Variants in HELZ observed in about 807,000 individuals in gnomAD.
HELZ encodes ATP-dependent RNA helicase with zinc finger domain.
HELZ carries 23 observed loss-of-function variants against 218.2 expected under a neutral mutation model. The ratio of observed to expected loss-of-function variants is 0.11; its 90% CI spans 0.08 to 0.15. The LOEUF is 0.15. HELZ is among the 10% of genes least tolerant of loss of function. HELZ has a pLI of 1.00. For synonymous variants in HELZ, 814 were observed against 829.4 expected, an observed-to-expected ratio of 0.98 and a Z score of 0.32; for missense variants, 1,813 against 2,353.7, an observed-to-expected ratio of 0.77 and a Z score of 4.75.
intron 31 of HELZ, among the ~76,000 whole-genome samples, chr17:67,099,726 G>C (rs1377708928): frequency 6.6e-6 from 1 of 152,124 alleles, no homozygotes; most frequent in African/African-American, 2.4e-5. Flanking sequence ...TCACCTGTGT[G>C]TATATAAATA....
chr17:67,190,349 T>C lies in HELZ; in HGVS notation c.564A>G (p.Leu188=). 1.2e-6 allele frequency: 2 copies of C among 1,610,180 alleles called. No individual in the cohort carries two copies. The highest frequency in any genetic ancestry group is 1.7e-6 in the Non-Finnish European group (2 of 1,176,420). ...CACCATACCTACAGATTCCTTGTTC[T>C]AAAAATCTAAGTAGAATAGGAAAGA... ...SEEYTLCKRF[L]EQGICRYGAQ... The change falls in exon 10 of 33, where the codon TTA becomes TTG. Residue 188 remains leucine, a synonymous_variant. Transcript: ENST00000358691.
At chr17:67,111,870 A>T (rs563216809) in intron 28 of HELZ, among the ~76,000 whole-genome samples, 40 of 152,294 alleles carry the variant, frequency 2.6e-4, no homozygotes, top group African/African-American at 9.6e-4. Flanking sequence ...GCTGGGATAT[A>T]CTTTTTTCCA....
chr17:67,189,786 G>A, intron 10 of HELZ, 90 bp from the exon 11 acceptor site: 1 of 836,082 alleles, frequency 1.2e-6, no homozygotes, highest in South Asian at 1.5e-5. Flanking sequence ...CAACAGTTAA[G>A]ATGATGATGG....
rs1206525952 is a variant in HELZ, at chr17:67,107,511, G to A, written c.4899C>T (p.Asn1633=). The change falls in exon 31 of 33, where the codon AAC becomes AAT. Residue 1633 remains asparagine, a synonymous_variant. Transcript: ENST00000358691. ...SSTDHSSHFS[N]FNDNSRDIEV... ...CAATGTCTCTGCTGTTATCATTAAA[G>A]TTAGAAAAGTGGCTACTGTGGTCTG... The A allele has an allele frequency of 6.2e-7, 1 of 1,614,062 alleles. No individual in the cohort carries two copies. Among genetic ancestry groups the A allele is most frequent in the East Asian group, 2.2e-5 (1 of 44,892 alleles).
chr17:67,213,450 T>C (rs2040508792), intron 5 of HELZ, among the ~76,000 whole-genome samples: 1 of 151,962 alleles, frequency 6.6e-6, no homozygotes, highest in South Asian at 2.1e-4. Context: ...GGTGAAACCC[T>C]GTCTCTACTA....
chr17:67,158,524 G>C (rs2038906499), intron 17 of HELZ, among the ~76,000 whole-genome samples: 1 of 152,170 alleles, frequency 6.6e-6, no homozygotes, highest in South Asian at 2.1e-4. Context: ...TTCCCAAAGA[G>C]AAAAACTATG....
chr17:67,141,278 C>G (rs188710267), intron 21 of HELZ, among the ~76,000 whole-genome samples: 1 of 152,170 alleles, frequency 6.6e-6, no homozygotes, highest in East Asian at 1.9e-4. Context: ...TAATATATAA[C>G]AACGTAATGT....
At chr17:67,128,391 G>A (rs2037869342) in intron 24 of HELZ, 1 of 478,306 alleles carries the variant, frequency 2.1e-6, no homozygotes, top group Non-Finnish European at 3.7e-6. Context: ...AGGATTAGAA[G>A]GTTATTTTAT....
chr17:67,178,635 T>C (rs747001975), intron 13 of HELZ, 24 bp downstream of exon 13: 1 of 1,581,776 alleles, frequency 6.3e-7, no homozygotes, highest in Non-Finnish European at 8.6e-7. Flanking sequence ...TTTTTTGTTT[T>C]AAAGTGTTTC....
At chr17:67,162,846 A>G (rs1297665481) in intron 15 of HELZ, among the ~76,000 whole-genome samples, 1 of 152,196 alleles carries the variant, frequency 6.6e-6, no homozygotes, top group East Asian at 1.9e-4. Flanking sequence ...TGCATGAGGC[A>G]AAACACATCA....
At chr17:67,141,489 T>C (rs1433760497) in intron 21 of HELZ, among the ~76,000 whole-genome samples, 1 of 151,790 alleles carries the variant, frequency 6.6e-6, no homozygotes, top group Non-Finnish European at 1.5e-5. Flanking sequence ...AGGTATATTA[T>C]ATATAATAGC....
chr17:67,216,706 A>AG (rs2143282790), intron 4 of HELZ, among the ~76,000 whole-genome samples: 1 of 152,114 alleles, frequency 6.6e-6, no homozygotes, highest in East Asian at 1.9e-4. Flanking sequence ...AGAGATCACC[A>AG]GTGACCTCCA....
At chr17:67,086,383 G>A (rs946022447) in intron 32 of HELZ, among the ~76,000 whole-genome samples, 3 of 151,402 alleles carry the variant, frequency 2.0e-5, no homozygotes, top group Non-Finnish European at 2.9e-5. Flanking sequence ...TCAGGAGTTC[G>A]AAACCAGCCT....
intron 17 of HELZ, among the ~76,000 whole-genome samples, chr17:67,156,214 ATAAATAC>A (rs537949229): frequency 4.5e-4 from 68 of 152,058 alleles, no homozygotes; most frequent in Non-Finnish European, 8.7e-4. Flanking sequence ...TTTAATAAAT[ATAAATAC>A]TAATCTAAAA....
At chr17:67,193,929 G>A (rs762418020) in intron 9 of HELZ, 38 bp downstream of exon 9, 1 of 1,457,278 alleles carries the variant, frequency 6.9e-7, no homozygotes, top group African/African-American at 1.4e-5. Context: ...CTTTCAACAA[G>A]ACATGTCATT....
rs1365438170 is a variant in HELZ, at chr17:67,136,148, A to C, written c.3004T>G (p.Cys1002Gly). 1.9e-6 allele frequency: 3 copies of C among 1,614,046 alleles called. No homozygotes were observed. Among genetic ancestry groups the C allele is most frequent in the Non-Finnish European group, 2.5e-6 (3 of 1,179,928 alleles). The change falls in exon 23 of 33, where the codon TGT becomes GGT. Residue 1002 changes from cysteine (C) to glycine (G), a missense_variant. Around this residue, in one of 4 missense-constraint regions of HELZ, gnomAD observed 156 missense variants for 274.4 expected, o/e 0.57. Transcript: ENST00000358691. ...TTAATTGGTGTCTGTTTATGTTTAC[A>C]AGTATGTCTTGTACGTACTGTGCTA... ...FLSTVRTRHT[C>G]KHKQTPIKKK... is the part of the protein sequence containing the mutation.
intron 7 of HELZ, among the ~76,000 whole-genome samples, chr17:67,197,034 T>C (rs2040048986): frequency 6.6e-6 from 1 of 152,150 alleles, no homozygotes; most frequent in Non-Finnish European, 1.5e-5. Context: ...AAGTCACCTG[T>C]GGGTCTTTAC....
intron 31 of HELZ, among the ~76,000 whole-genome samples, chr17:67,103,754 C>T (rs1210379096): frequency 6.6e-6 from 1 of 152,078 alleles, no homozygotes; most frequent in Non-Finnish European, 1.5e-5. Context: ...GATCCTAAAC[C>T]TCACATGAGA....
chr17:67,202,430 G>A (rs1403000134), intron 6 of HELZ, among the ~76,000 whole-genome samples: 1 of 152,142 alleles, frequency 6.6e-6, no homozygotes, highest in African/African-American at 2.4e-5. Context: ...GTTCAAAGCT[G>A]TAGCGCACTA....
Sources: allele counts gnomAD v4.1 joint callset (sites outside exome capture counted in the v4.1 genomes callset), GRCh38; gene constraint gnomAD v4.1.1; regional missense constraint gnomAD v4.1.1; transcripts MANE v1.5; gene names NCBI Gene and HGNC (gene_info 2026-07-23, HGNC 2026-07-21).